Variants in ANK2 observed in about 807,000 individuals in gnomAD.
The protein encoded by ANK2 is ankyrin-2.
ANK2 carries 83 observed loss-of-function variants against 360.5 expected under a neutral mutation model. The observed-to-expected ratio is 0.23, with a 90% CI of 0.19 to 0.28. The LOEUF (loss-of-function observed/expected upper bound fraction) is 0.28. Ranked by LOEUF, ANK2 falls within the 10% of genes least tolerant of loss-of-function variation. ANK2 has a pLI of 1.00. For synonymous variants in ANK2, 1,740 were observed against 1,759.5 expected (o/e 0.99, Z 0.28); for missense variants, 4,201 against 4,795.7 (o/e 0.88, Z 3.66).
chr4:112,919,900 G>A (rs971488681), intron 2 of ANK2, among the ~76,000 whole-genome samples: 3 of 151,842 alleles, frequency 2.0e-5, no homozygotes, highest in Non-Finnish European at 2.9e-5. Flanking sequence ...TTTCTTTCTT[G>A]TAGCTATTAA....
chr4:113,372,958 A>C, intron 43 of ANK2, 132 bp from the exon 44 acceptor site: 1 of 877,882 alleles, frequency 1.1e-6, no homozygotes, highest in Non-Finnish European at 2.0e-6. Flanking sequence ...AGTTGACAGG[A>C]TTTTGTATCT....
rs1174339108 is a variant in ANK2 at position 113,291,756 on chromosome 4, G to A, written c.2278-660G>A. Among the ~76,000 whole-genome samples the A allele has an allele frequency of 2.0e-5, 3 of 152,270 alleles. No individual in the cohort carries two copies. In the Middle Eastern group the frequency reaches 0.01, roughly 518 times the overall value. ...TTTAATAAATAATAGCCATTGTCTGGTAGCCATTGGCTGTCATAGTCTTCT... is the reference window on the plus strand; with the variant it reads ...TTTAATAAATAATAGCCATTGTCTGATAGCCATTGGCTGTCATAGTCTTCT... On this transcript the variant is annotated intron_variant, in intron 20 of 45. Transcript: ENST00000357077.
intron 2 of ANK2, among the ~76,000 whole-genome samples, chr4:112,921,243 T>C (rs1433415951): frequency 1.3e-5 from 2 of 152,050 alleles, no homozygotes; most frequent in East Asian, 3.9e-4. Context: ...CAGGCTGGTC[T>C]TGAATTCCTG....
intron 2 of ANK2, among the ~76,000 whole-genome samples, chr4:113,192,253 A>G (rs2098678109): frequency 6.6e-6 from 1 of 152,126 alleles, no homozygotes; most frequent in Non-Finnish European, 1.5e-5. Flanking sequence ...TGTTTTATTT[A>G]TTTGATCTAA....
chr4:112,801,244 C>A, the ANK2 span, among the ~76,000 whole-genome samples: 1 of 152,150 alleles, frequency 6.6e-6, no homozygotes, highest in Admixed American at 6.5e-5. Context: ...CAATAGTCAA[C>A]AAAATGCTGT....
At chr4:113,306,444 G>C (rs933279184) in intron 23 of ANK2, among the ~76,000 whole-genome samples, 2 of 152,168 alleles carry the variant, frequency 1.3e-5, no homozygotes, top group African/African-American at 2.4e-5. Context: ...TGGACTGTTT[G>C]AATTCTTAAC....
rs1348531453 is a variant in ANK2 at position 113,355,790 on chromosome 4, C to G, written c.7172C>G (p.Thr2391Arg). 1.9e-6 allele frequency: 3 copies of G among 1,614,090 alleles called. No individual in the cohort carries two copies. The highest frequency in any genetic ancestry group is 2.5e-6 in the Non-Finnish European group (3 of 1,179,972). Residue 2391 changes from threonine to arginine, a missense_variant, in exon 38 of 46, where the codon ACA becomes AGA. Thr to Arg is a moderately conservative substitution (Grantham distance 71). Around this residue, in one of 4 missense-constraint regions of ANK2, gnomAD observed 2,642 missense variants for 2,714.5 expected, o/e 0.97. Transcript: ENST00000357077. ...ALPLPEASVKTDTGTESKPQG... is the reference protein window; with the variant it reads ...ALPLPEASVKRDTGTESKPQG... The stretch of plus-strand genomic sequence containing the variant: ...CCGCTGCCTGAGGCTTCTGTAAAGA[C>G]AGATACAGGAACTGAATCAAAACCT...
chr4:113,282,995 C>A, intron 18 of ANK2, 123 bp downstream of exon 18: 1 of 1,091,958 alleles, frequency 9.2e-7, no homozygotes, highest in Non-Finnish European at 1.4e-6. Context: ...ATCTTACAGA[C>A]CCCAAGGACA....
chr4:113,139,938 G>C (rs974102412), intron 1 of ANK2, among the ~76,000 whole-genome samples: 1 of 152,142 alleles, frequency 6.6e-6, no homozygotes, highest in Non-Finnish European at 1.5e-5. Flanking sequence ...TCTGTGTAAA[G>C]CATAAACAGT....
chr4:113,154,439 T>A (rs2154398048), intron 1 of ANK2, among the ~76,000 whole-genome samples: 1 of 152,336 alleles, frequency 6.6e-6, no homozygotes, highest in Non-Finnish European at 1.5e-5. Context: ...TTGTTCTGAA[T>A]GATCTGATCC....
At position 113,007,190 on chromosome 4, in the gene ANK2, C is replaced by T. The variant is rs984657223; in HGVS notation, c.21+102676C>T. 4.0e-4 allele frequency among the ~76,000 whole-genome samples: 61 copies of T among 152,218 alleles called. 1 individual carries two copies. The highest frequency in any genetic ancestry group is 7.9e-4 in the Non-Finnish European group (54 of 68,008). Reference sequence around the variant, plus strand: ...ATAAAAATGGATAAAATATGTAATACATGAAGCTGCCCGATTTGAGTATTT... The same window carrying T: ...ATAAAAATGGATAAAATATGTAATATATGAAGCTGCCCGATTTGAGTATTT... On this transcript the variant is annotated intron_variant, in intron 2 of 30. Transcript: ENST00000503271.
In ANK2 at chr4:113,255,938, C is replaced by G; in HGVS notation, c.1188+6C>G. ...ATCCGAACGCCAGAGCCCTGGTAAA[C>G]TTGGCCCAGTCCACATTAACTGAAT... On this transcript the variant is annotated splice_donor_region_variant and intron_variant, in intron 11 of 45. Coordinates refer to ENST00000357077, the MANE Select transcript of ANK2 (RefSeq NM_001148.6). 6.2e-7 allele frequency: 1 copy of G among 1,613,898 alleles called. No individual in the cohort carries two copies. The highest frequency in any genetic ancestry group is 8.5e-7 in the Non-Finnish European group (1 of 1,179,802).
chr4:113,359,198 C>T lies in ANK2; in HGVS notation c.10580C>T (p.Ser3527Leu). ...ENLPPVETEH[S>L]VPEDIFDTRP... ...CTGCCACCTGTTGAGACCGAGCACT[C>T]AGTTCCTGAGGACATCTTTGACACA... The change falls in exon 38 of 46, where the codon TCA (serine) becomes TTA (leucine). Residue 3527 changes from serine to leucine, a missense_variant. Physicochemically the swap from Ser to Leu is moderately radical, Grantham distance 145 (BLOSUM62 -2). This residue lies in a region of ANK2 where 2,642 missense variants were observed against 2,714.5 expected (regional missense o/e 0.97). Transcript: ENST00000357077. The T allele has an allele frequency of 6.2e-7, 1 of 1,613,268 alleles. No homozygotes were observed. Among genetic ancestry groups the T allele is most frequent in the Non-Finnish European group, 8.5e-7 (1 of 1,179,308 alleles).
At chr4:112,809,779 G>C in the ANK2 span, among the ~76,000 whole-genome samples, 1 of 148,732 alleles carries the variant, frequency 6.7e-6, no homozygotes, top group Non-Finnish European at 1.5e-5. Context: ...AGGCTGCAGT[G>C]AGCTGTGATC....
chr4:112,983,567 C>T (rs1275828414), intron 2 of ANK2, among the ~76,000 whole-genome samples: 3 of 151,730 alleles, frequency 2.0e-5, no homozygotes, highest in Non-Finnish European at 4.4e-5. Flanking sequence ...TCCAGCTACT[C>T]GTGAGGCTGA....
chr4:113,088,994 G>A (rs546352650), intron 1 of ANK2, among the ~76,000 whole-genome samples: 2 of 152,236 alleles, frequency 1.3e-5, no homozygotes, highest in Admixed American at 6.5e-5. Flanking sequence ...ATTTAAAACC[G>A]ACAATTTAAA....
chr4:113,320,783 AGGAAAAAC>A (rs1419616322), intron 26 of ANK2, among the ~76,000 whole-genome samples: 2 of 152,232 alleles, frequency 1.3e-5, no homozygotes, highest in East Asian at 3.8e-4. Context: ...ATAAACTGTT[AGGAAAAAC>A]TTTGCTTAAT....
intron 1 of ANK2, among the ~76,000 whole-genome samples, chr4:113,111,832 A>G (rs1030636086): frequency 7.2e-5 from 11 of 152,206 alleles, no homozygotes; most frequent in African/African-American, 2.4e-4. Flanking sequence ...CTTTCTATCA[A>G]GATGTGAATA....
intron 1 of ANK2, among the ~76,000 whole-genome samples, chr4:113,088,314 G>A (rs2085896924): frequency 6.6e-6 from 1 of 152,156 alleles, no homozygotes; most frequent in Non-Finnish European, 1.5e-5. Context: ...TTAGTGACTG[G>A]CAATAGTCAC....
Sources: allele counts gnomAD v4.1 joint callset (sites outside exome capture counted in the v4.1 genomes callset), GRCh38; gene constraint gnomAD v4.1.1; regional missense constraint gnomAD v4.1.1; transcripts MANE v1.5; gene names NCBI Gene and HGNC (gene_info 2026-07-23, HGNC 2026-07-21).